The following MPPED2 variants were observed in gnomAD, a reference collection of about 807,000 sequenced individuals.
The protein encoded by MPPED2 is metallophosphoesterase domain containing 2.
A neutral mutation model predicts 33.0 loss-of-function variants in MPPED2; 5 were observed. That is an observed-to-expected ratio of 0.15 (90% CI 0.08 to 0.32). The LOEUF is 0.32. Ranked by LOEUF, MPPED2 falls within the 10% of genes least tolerant of loss-of-function variation. The pLI is 1.00. For missense variants in MPPED2, 275 were observed against 372.1 expected (o/e 0.74, Z 2.15); for synonymous variants, 136 against 141.9 (o/e 0.96, Z 0.29).
intron 4 of MPPED2, among the ~76,000 whole-genome samples, chr11:30,475,689 T>C (rs1216224143): frequency 2.0e-5 from 3 of 152,176 alleles, no homozygotes; most frequent in Non-Finnish European, 2.9e-5. Context: ...TGGTGTTGGT[T>C]ATTGTGAATA....
chr11:30,513,199 T>C (rs1953329099), intron 3 of MPPED2, among the ~76,000 whole-genome samples: 2 of 152,212 alleles, frequency 1.3e-5, no homozygotes, highest in African/African-American at 4.8e-5. Flanking sequence ...CCTCCTGCCC[T>C]ACTTTTATTC....
At chr11:30,518,042 C>T (rs1487779109) in intron 3 of MPPED2, among the ~76,000 whole-genome samples, 2 of 152,058 alleles carry the variant, frequency 1.3e-5, no homozygotes, top group African/African-American at 4.8e-5. Context: ...AAAAACAATT[C>T]CCAGGCAGGC....
intron 4 of MPPED2, among the ~76,000 whole-genome samples, chr11:30,456,641 C>A (rs1423962270): frequency 6.6e-6 from 1 of 152,140 alleles, no homozygotes; most frequent in Non-Finnish European, 1.5e-5. Context: ...AGCAATATTA[C>A]AATCCTGATA....
At chr11:30,446,689 C>T (rs116934710) in intron 4 of MPPED2, among the ~76,000 whole-genome samples, 4,107 of 152,256 alleles carry the variant, frequency 0.027, 94 homozygotes, top group Admixed American at 0.063. Context: ...GCTTCCCAAG[C>T]CATTCCCTCA....
intron 4 of MPPED2, among the ~76,000 whole-genome samples, chr11:30,431,046 A>G (rs1455390038): frequency 6.6e-6 from 1 of 152,244 alleles, no homozygotes; most frequent in Admixed American, 6.5e-5. Context: ...ATGCAAGGTG[A>G]GATGAACACA....
intron 2 of MPPED2, among the ~76,000 whole-genome samples, chr11:30,568,663 G>A (rs935780242): frequency 2.6e-5 from 4 of 152,166 alleles, no homozygotes; most frequent in African/African-American, 9.7e-5. Context: ...AGTGGCTGAA[G>A]GGAACAGGCC....
rs142716061 is a variant in MPPED2, at chr11:30,430,913, T to C, written c.537-13280A>G. ...TGCTCTTCCATTCACCCATCATACA[T>C]GTGCAGAACTATGACTTCCCACCAG... On this transcript the variant is annotated intron_variant, in intron 4 of 6. Transcript: ENST00000358117. Among the ~76,000 whole-genome samples the C allele has an allele frequency of 2.7e-3, 410 of 152,276 alleles. 7 individuals carry two copies. Among genetic ancestry groups the C allele is most frequent in the African/African-American group, 8.9e-3 (368 of 41,560 alleles).
At chr11:30,442,141 G>C (rs1191379782) in intron 4 of MPPED2, among the ~76,000 whole-genome samples, 1 of 152,148 alleles carries the variant, frequency 6.6e-6, no homozygotes, top group South Asian at 2.1e-4. Flanking sequence ...ATGTGAAGAA[G>C]AACAGAGAAG....
chr11:30,585,358 A>G (rs1016406500), intron 1 of MPPED2, among the ~76,000 whole-genome samples: 1 of 151,816 alleles, frequency 6.6e-6, no homozygotes, highest in Non-Finnish European at 1.5e-5. Flanking sequence ...GGGGTGAGAA[A>G]GAGCCCCGAG....
At position 30,449,183 on chromosome 11, in the gene MPPED2, A is replaced by AGAATGAATGAAT. The variant is rs61562180; in HGVS notation, c.537-31562_537-31551dup. 2.2e-3 allele frequency among the ~76,000 whole-genome samples: 337 copies of AGAATGAATGAAT among 151,314 alleles called. 1 individual carries two copies. Among genetic ancestry groups the AGAATGAATGAAT allele is most frequent in the African/African-American group, 7.6e-3 (314 of 41,178 alleles). On this transcript the variant is annotated intron_variant, in intron 4 of 6. Coordinates refer to ENST00000358117, the MANE Select transcript of MPPED2 (RefSeq NM_001584.3). The stretch of plus-strand genomic sequence containing the variant: ...TGGTAGTTGCTCAGTAAATGTTAAG[A>AGAATGAATGAAT]GAATGAATGAATGAATGAATGCCCC...
intron 3 of MPPED2, among the ~76,000 whole-genome samples, chr11:30,508,364 A>G (rs1952956844): frequency 6.6e-6 from 1 of 152,216 alleles, no homozygotes. Context: ...TGTTCATTAA[A>G]AAACATGTAA....
At chr11:30,546,272 C>T (rs536217678) in intron 2 of MPPED2, among the ~76,000 whole-genome samples, 3 of 152,148 alleles carry the variant, frequency 2.0e-5, no homozygotes, top group South Asian at 4.2e-4. Flanking sequence ...AAACACTGCC[C>T]GGCCTCAAAC....
At chr11:30,487,173 C>T (rs1253957728) in intron 4 of MPPED2, among the ~76,000 whole-genome samples, 2 of 152,188 alleles carry the variant, frequency 1.3e-5, no homozygotes, top group Admixed American at 6.5e-5. Flanking sequence ...TAAAAGGAGC[C>T]TATTAGTGTA....
At chr11:30,493,079 C>G (rs1231976927) in intron 4 of MPPED2, among the ~76,000 whole-genome samples, 1 of 152,128 alleles carries the variant, frequency 6.6e-6, no homozygotes, top group African/African-American at 2.4e-5. Flanking sequence ...ACCCACTCAC[C>G]AGTCCTTCTG....
chr11:30,396,983 C>T (rs971036431), intron 6 of MPPED2, among the ~76,000 whole-genome samples: 1 of 152,014 alleles, frequency 6.6e-6, no homozygotes. Context: ...TATATGTCAC[C>T]CCTAATTTTT....
intron 3 of MPPED2, among the ~76,000 whole-genome samples, chr11:30,520,856 AG>A (rs1162375363): frequency 6.6e-6 from 1 of 152,168 alleles, no homozygotes; most frequent in African/African-American, 2.4e-5. Flanking sequence ...GTAGCAGCCA[AG>A]GGGGTAAGTG....
intron 4 of MPPED2, among the ~76,000 whole-genome samples, chr11:30,463,195 G>A (rs559634819): frequency 2.0e-5 from 3 of 152,256 alleles, no homozygotes; most frequent in Non-Finnish European, 4.4e-5. Flanking sequence ...AATATCAATT[G>A]CAATGTAATC....
chr11:30,467,726 T>C (rs12277061), intron 4 of MPPED2, among the ~76,000 whole-genome samples: 33,931 of 152,178 alleles, frequency 0.22, 5,753 homozygotes, highest in African/African-American at 0.48. Context: ...GATGTGAAAT[T>C]TCTTGCATCT....
intron 4 of MPPED2, among the ~76,000 whole-genome samples, chr11:30,440,643 C>A (rs1020950396): frequency 6.6e-6 from 1 of 152,190 alleles, no homozygotes; most frequent in Non-Finnish European, 1.5e-5. Context: ...ACTGGTAGTG[C>A]CAGGCCAAGA....
Sources: gnomAD v4.1 joint callset for allele counts (sites outside exome capture counted in the v4.1 genomes callset) on GRCh38, gnomAD v4.1.1 for gene constraint, MANE v1.5 for transcripts, NCBI Gene and HGNC (gene_info 2026-07-23, HGNC 2026-07-21) for gene names.